Variants in IL1RAPL2 observed in about 807,000 individuals in gnomAD.
The protein encoded by IL1RAPL2 is interleukin 1 receptor accessory protein like 2.
Under a neutral mutation model 44.1 loss-of-function variants are expected in IL1RAPL2, and 3 were observed. The ratio of observed to expected loss-of-function variants is 0.07; its 90% CI spans 0.03 to 0.18. The LOEUF (loss-of-function observed/expected upper bound fraction) is 0.18, where lower values mean the gene tolerates loss of function less well. Ranked by LOEUF, IL1RAPL2 falls within the 10% of genes least tolerant of loss-of-function variation. The pLI is 1.00. For missense variants in IL1RAPL2, 391 were observed against 496.4 expected, an observed-to-expected ratio of 0.79 and a Z score of 2.02; for synonymous variants, 181 against 178.8, an observed-to-expected ratio of 1.01 and a Z score of -0.10.
intron 2 of IL1RAPL2, among the ~76,000 whole-genome samples, chrX:104,897,236 A>C (rs1309699504): frequency 8.9e-6 from 1 of 112,030 alleles, no homozygotes; most frequent in Non-Finnish European, 1.9e-5. Context: ...GCTGGATGTC[A>C]AGATAGATTC....
chrX:105,272,731 G>A (rs1355902929), intron 5 of IL1RAPL2, among the ~76,000 whole-genome samples: 1 of 112,613 alleles, frequency 8.9e-6, no homozygotes, highest in Non-Finnish European at 1.9e-5. Context: ...ATCAGTCTTT[G>A]GTGAATATGT....
intron 2 of IL1RAPL2, among the ~76,000 whole-genome samples, chrX:104,675,938 T>C (rs1354815040): frequency 1.9e-5 from 2 of 105,571 alleles, no homozygotes; most frequent in African/African-American, 6.8e-5. Flanking sequence ...CTTTTTTTGT[T>C]TTCCATTTGC....
At chrX:105,413,138 TAAG>T (rs954395884) in intron 5 of IL1RAPL2, among the ~76,000 whole-genome samples, 1 of 112,070 alleles carries the variant, frequency 8.9e-6, no homozygotes, top group Admixed American at 9.5e-5. Context: ...ATTTCTGTCA[TAAG>T]AACGTATTGT....
At chrX:105,284,022 G>C (rs1412520891) in intron 5 of IL1RAPL2, among the ~76,000 whole-genome samples, 1 of 111,545 alleles carries the variant, frequency 9.0e-6, no homozygotes, top group Non-Finnish European at 1.9e-5. Context: ...ATGATATCTT[G>C]TATTTAGCTG....
chrX:105,195,830 A>C, intron 3 of IL1RAPL2, 82 bp downstream of exon 3: 1 of 914,747 alleles, frequency 1.1e-6, no homozygotes, highest in East Asian at 3.1e-5. Flanking sequence ...GGTATGCCTC[A>C]TGTTGTATAA....
At chrX:105,061,183 A>T (rs1378577487) in intron 2 of IL1RAPL2, among the ~76,000 whole-genome samples, 6 of 111,184 alleles carry the variant, frequency 5.4e-5, no homozygotes, top group Non-Finnish European at 7.6e-5. Flanking sequence ...TATTACTATA[A>T]ACTTTCCTCT....
intron 6 of IL1RAPL2, among the ~76,000 whole-genome samples, chrX:105,638,889 A>T (rs2037544464): frequency 9.0e-6 from 1 of 111,577 alleles, no homozygotes. Flanking sequence ...TTTTTTTCTT[A>T]TTCTTTTCCC....
chrX:104,790,752 A>G (rs1043711920), intron 2 of IL1RAPL2, among the ~76,000 whole-genome samples: 6 of 111,782 alleles, frequency 5.4e-5, no homozygotes, highest in African/African-American at 1.9e-4. Flanking sequence ...ATTTTGGTAT[A>G]TCTCCTTTTG....
chrX:105,203,417 G>C (rs781941371), intron 3 of IL1RAPL2, among the ~76,000 whole-genome samples: 6 of 112,017 alleles, frequency 5.4e-5, no homozygotes, highest in African/African-American at 1.6e-4. Flanking sequence ...AGAATTATCT[G>C]GTTATGGTAT....
At chrX:104,882,037 G>T (rs1301974816) in intron 2 of IL1RAPL2, among the ~76,000 whole-genome samples, 1 of 112,131 alleles carries the variant, frequency 8.9e-6, no homozygotes, top group Non-Finnish European at 1.9e-5. Context: ...GTCATATTTG[G>T]TCAACAGGCA....
chrX:105,512,257 G>A (rs1004767384), intron 6 of IL1RAPL2, among the ~76,000 whole-genome samples: 3 of 111,567 alleles, frequency 2.7e-5, no homozygotes, highest in Non-Finnish European at 3.8e-5. Flanking sequence ...TCTGGTCAGT[G>A]GTGAGAACTA....
At chrX:105,738,418 T>G (rs2038468280) in intron 7 of IL1RAPL2, among the ~76,000 whole-genome samples, 1 of 111,079 alleles carries the variant, frequency 9.0e-6, no homozygotes, top group Non-Finnish European at 1.9e-5. Context: ...GAGCCCAGTT[T>G]TTTTCTAAGC....
chrX:105,408,793 A>G (rs2035669637), intron 5 of IL1RAPL2, among the ~76,000 whole-genome samples: 1 of 110,843 alleles, frequency 9.0e-6, no homozygotes, highest in Admixed American at 9.6e-5. Flanking sequence ...CTGCAGAAGG[A>G]TCTGAAAGAT....
At chrX:105,242,875 G>A (rs984298089) in intron 4 of IL1RAPL2, among the ~76,000 whole-genome samples, 1 of 110,829 alleles carries the variant, frequency 9.0e-6, no homozygotes, top group Non-Finnish European at 1.9e-5. Flanking sequence ...CAAGGCGGGC[G>A]GATCACATGA....
chrX:104,708,698 G>A (rs942029756), intron 2 of IL1RAPL2, among the ~76,000 whole-genome samples: 1 of 110,935 alleles, frequency 9.0e-6, no homozygotes, highest in Non-Finnish European at 1.9e-5. Context: ...AATGATATAG[G>A]AAGCAAGGAA....
rs181387874 is a variant in IL1RAPL2, at chrX:104,771,902, G to A, written c.82+112907G>A. Among the ~76,000 whole-genome samples the A allele has an allele frequency of 4.8e-3, 538 of 111,758 alleles. 3 individuals carry two copies. Among genetic ancestry groups the A allele is most frequent in the African/African-American group, 0.017 (515 of 30,739 alleles). ...GCACAAACCTCTGCATACATATTAT[G>A]TACATAATAAAACACAAAAATGTTA... On this transcript the variant is annotated intron_variant, in intron 2 of 10. Coordinates refer to ENST00000372582, the MANE Select transcript of IL1RAPL2 (RefSeq NM_017416.2).
chrX:105,125,140 TTTG>T (rs1342060877), intron 2 of IL1RAPL2, among the ~76,000 whole-genome samples: 3 of 110,795 alleles, frequency 2.7e-5, no homozygotes, highest in Non-Finnish European at 5.7e-5. Flanking sequence ...GAGAATACTG[TTTG>T]TTAAGTTCCA....
chrX:104,734,812 A>T (rs974820444), intron 2 of IL1RAPL2, among the ~76,000 whole-genome samples: 9 of 112,104 alleles, frequency 8.0e-5, no homozygotes, highest in Non-Finnish European at 1.7e-4. Context: ...TTAAAAATTT[A>T]AAAATTACTT....
intron 2 of IL1RAPL2, among the ~76,000 whole-genome samples, chrX:105,145,645 A>G (rs1481496304): frequency 9.0e-6 from 1 of 111,402 alleles, no homozygotes; most frequent in Non-Finnish European, 1.9e-5. Context: ...TCAGAGAGAT[A>G]GGAAGTCCCC....
Sources: allele counts gnomAD v4.1 joint callset (sites outside exome capture counted in the v4.1 genomes callset), GRCh38; gene constraint gnomAD v4.1.1; transcripts MANE v1.5; gene names NCBI Gene and HGNC (gene_info 2026-07-23, HGNC 2026-07-21).